TSPAN9: variants seen among roughly 807,000 people sequenced by gnomAD.
The protein encoded by TSPAN9 is tetraspanin-9.
A neutral mutation model predicts 31.0 loss-of-function variants in TSPAN9; 16 were observed. That is an observed-to-expected ratio of 0.52 (90% CI 0.35 to 0.78). The LOEUF is 0.78. TSPAN9 is among the 30% of genes least tolerant of loss of function. The pLI is 0.01. For synonymous variants in TSPAN9, 145 were observed against 121.6 expected (o/e 1.19, Z -1.27); for missense variants, 272 against 312.5 (o/e 0.87, Z 0.98).
Position 3,086,182 on chromosome 12 carries a change from A to G in TSPAN9, c.-18+2463A>G, listed in dbSNP as rs114668269. On this transcript the variant is annotated intron_variant, in intron 2 of 8. Transcript: ENST00000011898. ...CTTCCAAACTCTCTCCTTGCTCTCA[A>G]ACCAAAAGTGTAACCAGAATTTTAG... Among the ~76,000 whole-genome samples, 513 of 152,340 alleles carry G rather than the reference A, an allele frequency of 3.4e-3. 2 individuals are homozygous for G. The highest frequency in any genetic ancestry group is 0.012 in the African/African-American group (492 of 41,570).
At chr12:3,271,365 G>A (rs1413342932) in intron 3 of TSPAN9, among the ~76,000 whole-genome samples, 1 of 152,202 alleles carries the variant, frequency 6.6e-6, no homozygotes, top group Non-Finnish European at 1.5e-5. Flanking sequence ...AGCTCAGAAC[G>A]TAGGAGGGGA....
chr12:3,269,241 G>A (rs1465727893), intron 3 of TSPAN9, among the ~76,000 whole-genome samples: 1 of 34,442 alleles, frequency 2.9e-5, no homozygotes. Flanking sequence ...TGTTCCTGCA[G>A]CCTGCCCTGT....
At chr12:3,271,375 A>G (rs1469291067) in intron 3 of TSPAN9, among the ~76,000 whole-genome samples, 1 of 152,104 alleles carries the variant, frequency 6.6e-6, no homozygotes, top group African/African-American at 2.4e-5. Flanking sequence ...GTAGGAGGGG[A>G]AGAGCTGGGT....
intron 2 of TSPAN9, among the ~76,000 whole-genome samples, chr12:3,190,594 A>T (rs2098363844): frequency 6.6e-6 from 1 of 152,262 alleles, no homozygotes; most frequent in South Asian, 2.1e-4. Context: ...TTCCTGCAAA[A>T]CAGGGCCTGA....
rs1862935061 is a variant in TSPAN9 at position 3,283,221 on chromosome 12, A to AC, written c.*111dup. The AC allele has an allele frequency of 2.3e-5, 27 of 1,172,312 alleles. No individual in the cohort carries two copies. In the Middle Eastern group the frequency reaches 1.6e-3, roughly 71 times the overall value. 72.6% of individuals were successfully genotyped at this position (1,172,312 alleles called of 1,614,324 possible). ...CTCTCCAGATATGACCCCTGCACCC[A>AC]CCCCCCACAGCCTGCCCTACCCCAC... is the stretch of plus-strand genomic sequence containing the variant. On this transcript the variant is annotated 3_prime_UTR_variant, in exon 9 of 9. Coordinates refer to ENST00000011898, the MANE Select transcript of TSPAN9 (RefSeq NM_006675.5).
At chr12:3,276,602 A>ACCT (rs1432937308) in intron 3 of TSPAN9, among the ~76,000 whole-genome samples, 1 of 151,984 alleles carries the variant, frequency 6.6e-6, no homozygotes, top group Admixed American at 6.6e-5. Context: ...CTTCCAAGAC[A>ACCT]CCTTCGCTGC....
intron 2 of TSPAN9, among the ~76,000 whole-genome samples, chr12:3,146,071 T>TC (rs921081543): frequency 4.7e-4 from 71 of 152,036 alleles, no homozygotes; most frequent in Admixed American, 5.2e-4. Context: ...GGCTGTGAGC[T>TC]CCCCCGGCAA....
intron 2 of TSPAN9, among the ~76,000 whole-genome samples, chr12:3,087,560 C>T (rs1244822278): frequency 1.3e-5 from 2 of 152,192 alleles, no homozygotes; most frequent in South Asian, 2.1e-4. Flanking sequence ...GTAATGCCAG[C>T]GCTTTGGAAA....
chr12:3,119,426 T>C (rs781034789), intron 2 of TSPAN9, among the ~76,000 whole-genome samples: 2 of 152,188 alleles, frequency 1.3e-5, no homozygotes, highest in Non-Finnish European at 2.9e-5. Flanking sequence ...GTGGGGAAAC[T>C]TGGGTCTGAG....
At chr12:3,194,745 C>CA (rs2153972334) in intron 2 of TSPAN9, among the ~76,000 whole-genome samples, 1 of 152,274 alleles carries the variant, frequency 6.6e-6, no homozygotes, top group South Asian at 2.1e-4. Flanking sequence ...AAACAAGTAA[C>CA]AGTACCATTC....
chr12:3,184,159 G>C (rs1591665034), intron 2 of TSPAN9, among the ~76,000 whole-genome samples: 1 of 152,122 alleles, frequency 6.6e-6, no homozygotes, highest in Middle Eastern at 3.2e-3. Flanking sequence ...GGGGGCCGAG[G>C]TGGGCAGCTC....
intron 3 of TSPAN9, among the ~76,000 whole-genome samples, chr12:3,235,878 G>C (rs2098393493): frequency 6.6e-6 from 1 of 152,256 alleles, no homozygotes; most frequent in African/African-American, 2.4e-5. Context: ...TAGCTTGCCT[G>C]CAACAGCACT....
chr12:3,121,557 T>C (rs1374271608), intron 2 of TSPAN9, among the ~76,000 whole-genome samples: 2 of 121,778 alleles, frequency 1.6e-5, no homozygotes, highest in South Asian at 5.6e-4. Context: ...TTTTTTTTTT[T>C]TGTAGAGACA....
chr12:3,102,053 CAGTT>C (rs1339927798), intron 2 of TSPAN9, among the ~76,000 whole-genome samples: 1 of 152,184 alleles, frequency 6.6e-6, no homozygotes, highest in East Asian at 1.9e-4. Context: ...TGTAGAGGCT[CAGTT>C]AGTAGTGGTG....
chr12:3,272,664 C>A (rs1046147478), intron 3 of TSPAN9, among the ~76,000 whole-genome samples: 1 of 152,002 alleles, frequency 6.6e-6, no homozygotes, highest in African/African-American at 2.4e-5. Flanking sequence ...TCATCCCTGG[C>A]GAGGGGCCGC....
intron 3 of TSPAN9, among the ~76,000 whole-genome samples, 184 bp downstream of exon 3, chr12:3,201,440 C>T (rs553587003): frequency 6.6e-6 from 1 of 152,290 alleles, no homozygotes; most frequent in East Asian, 1.9e-4. Flanking sequence ...TTCTCCCTCT[C>T]TTTGGTGGCT....
At chr12:3,093,110 G>A (rs1284443494) in intron 2 of TSPAN9, among the ~76,000 whole-genome samples, 1 of 152,216 alleles carries the variant, frequency 6.6e-6, no homozygotes, top group East Asian at 1.9e-4. Context: ...AGCTTTTGGG[G>A]CCGCTGGCCT....
At chr12:3,127,398 C>T (rs1205091190) in intron 2 of TSPAN9, among the ~76,000 whole-genome samples, 2 of 151,934 alleles carry the variant, frequency 1.3e-5, no homozygotes, top group East Asian at 1.9e-4. Flanking sequence ...CACTCTTGCC[C>T]AGGCTGGAGT....
chr12:3,133,334 G>C (rs544688095), intron 2 of TSPAN9, among the ~76,000 whole-genome samples: 2 of 152,246 alleles, frequency 1.3e-5, no homozygotes, highest in Admixed American at 1.3e-4. Flanking sequence ...TCTGCCAGCA[G>C]TCTGTCTGTC....
Sources: gnomAD v4.1 joint callset for allele counts (sites outside exome capture counted in the v4.1 genomes callset) on GRCh38, gnomAD v4.1.1 for gene constraint, MANE v1.5 for transcripts, NCBI Gene and HGNC (gene_info 2026-07-23, HGNC 2026-07-21) for gene names.